The following SUGCT variants were observed in gnomAD, a reference collection of about 807,000 sequenced individuals.
SUGCT encodes succinyl-CoA:glutarate-CoA transferase.
A neutral mutation model predicts 55.0 loss-of-function variants in SUGCT; 41 were observed. That is an observed-to-expected ratio of 0.74 (90% CI 0.58 to 0.97). SUGCT has a LOEUF of 0.97. Ranked by LOEUF, SUGCT falls within the 50% of genes least tolerant of loss-of-function variation. The pLI is 0.00. For synonymous variants in SUGCT, 187 were observed against 200.4 expected (o/e 0.93, Z 0.56); for missense variants, 568 against 547.8 (o/e 1.04, Z -0.37).
At chr7:40,744,216 C>A (rs1029277949) in intron 12 of SUGCT, among the ~76,000 whole-genome samples, 5 of 152,096 alleles carry the variant, frequency 3.3e-5, no homozygotes, top group Non-Finnish European at 5.9e-5. Context: ...ATGTGGGCCA[C>A]CACGCCTGGC....
the SUGCT span, among the ~76,000 whole-genome samples, chr7:41,000,200 A>G: frequency 6.6e-6 from 1 of 152,248 alleles, no homozygotes; most frequent in South Asian, 2.1e-4. Context: ...CATTATACTT[A>G]CACACATACA....
chr7:41,028,056 G>A, the SUGCT span, among the ~76,000 whole-genome samples: 1 of 152,166 alleles, frequency 6.6e-6, no homozygotes, highest in African/African-American at 2.4e-5. Flanking sequence ...CTTAGCACAG[G>A]GTCCAGCACT....
intron 9 of SUGCT, among the ~76,000 whole-genome samples, chr7:40,429,651 T>C (rs1244052345): frequency 6.6e-6 from 1 of 152,192 alleles, no homozygotes; most frequent in Non-Finnish European, 1.5e-5. Flanking sequence ...TTCTTCTGCC[T>C]GCTTTTATCC....
intron 12 of SUGCT, among the ~76,000 whole-genome samples, chr7:40,565,370 C>G (rs1045317911): frequency 6.6e-6 from 1 of 152,140 alleles, no homozygotes; most frequent in Non-Finnish European, 1.5e-5. Flanking sequence ...GTATGTTCTG[C>G]AAAGTAAAGG....
chr7:41,033,733 C>G, the SUGCT span, among the ~76,000 whole-genome samples: 2 of 152,216 alleles, frequency 1.3e-5, no homozygotes, highest in East Asian at 3.9e-4. Flanking sequence ...CTTGAATTAA[C>G]AAGCACCCAA....
intron 9 of SUGCT, among the ~76,000 whole-genome samples, chr7:40,383,084 A>G (rs1462059205): frequency 1.3e-5 from 2 of 152,172 alleles, no homozygotes; most frequent in African/African-American, 2.4e-5. Context: ...ACGTGGAGGG[A>G]TTTGATGTAG....
intron 7 of SUGCT, among the ~76,000 whole-genome samples, chr7:40,258,619 C>A (rs1228343297): frequency 6.6e-6 from 1 of 152,176 alleles, no homozygotes; most frequent in Admixed American, 6.5e-5. Flanking sequence ...CCTCGTGATC[C>A]ACCTGCCTTG....
chr7:40,953,271 TGTA>T, the SUGCT span, among the ~76,000 whole-genome samples: 1 of 152,254 alleles, frequency 6.6e-6, no homozygotes, highest in African/African-American at 2.4e-5. Flanking sequence ...GCATCCATTA[TGTA>T]GTTCTCGTGC....
At chr7:40,682,098 C>G (rs1405889947) in intron 12 of SUGCT, among the ~76,000 whole-genome samples, 1 of 152,190 alleles carries the variant, frequency 6.6e-6, no homozygotes, top group Non-Finnish European at 1.5e-5. Flanking sequence ...CTTCTCAAGG[C>G]TAGCTAGGTG....
In SUGCT at chr7:40,496,351, A is replaced by G. The variant is rs749460397; in HGVS notation, c.1054A>G (p.Ile352Val). Reference sequence around the variant, plus strand: ...AGGCAGTGGAGTCCCGTATGGCCCAATCAACAACATGAAGAATGTATTTGC... The same window carrying G: ...AGGCAGTGGAGTCCCGTATGGCCCAGTCAACAACATGAAGAATGTATTTGC... ...FEGSGVPYGP[I>V]NNMKNVFAEP... is the part of the protein sequence containing the mutation. Residue 352 changes from isoleucine (I) to valine (V), a missense_variant, in exon 12 of 14, where the codon ATC (isoleucine) becomes GTC (valine). Transcript: ENST00000335693. 1.9e-6 allele frequency: 3 copies of G among 1,613,098 alleles called. No individual in the cohort carries two copies. Among genetic ancestry groups the G allele is most frequent in the East Asian group, 2.2e-5 (1 of 44,802 alleles).
chr7:40,772,369 TAAAA>T (rs1789148842), intron 13 of SUGCT, among the ~76,000 whole-genome samples: 1 of 151,984 alleles, frequency 6.6e-6, no homozygotes, highest in South Asian at 2.1e-4. Flanking sequence ...TAAAAAAAAA[TAAAA>T]AGACAGAGTT....
intron 13 of SUGCT, among the ~76,000 whole-genome samples, chr7:40,859,676 C>T (rs959539090): frequency 6.6e-6 from 1 of 152,208 alleles, no homozygotes; most frequent in Non-Finnish European, 1.5e-5. Context: ...GTATAGTAAA[C>T]ATTATCACAT....
chr7:40,594,322 TA>T (rs59560745), intron 12 of SUGCT, among the ~76,000 whole-genome samples: 7,938 of 99,928 alleles, frequency 0.079, 562 homozygotes, highest in African/African-American at 0.22. Context: ...ACTTAAAGTA[TA>T]AAAAAAAAAA....
chr7:40,852,469 A>G (rs1050070848), intron 13 of SUGCT, among the ~76,000 whole-genome samples: 7 of 152,014 alleles, frequency 4.6e-5, no homozygotes, highest in Admixed American at 1.3e-4. Flanking sequence ...TTAAAGCTCC[A>G]GTAGCTTCCC....
chr7:40,323,237 C>T (rs1795846234), intron 9 of SUGCT, among the ~76,000 whole-genome samples: 1 of 152,096 alleles, frequency 6.6e-6, no homozygotes, highest in African/African-American at 2.4e-5. Context: ...TTGCAGTGAT[C>T]CTTTTCTGTT....
At chr7:40,372,911 C>A (rs1562724423) in intron 9 of SUGCT, among the ~76,000 whole-genome samples, 1 of 151,912 alleles carries the variant, frequency 6.6e-6, no homozygotes, top group Non-Finnish European at 1.5e-5. Flanking sequence ...TAATTCAAAT[C>A]CATATTGATT....
At chr7:40,372,245 G>A (rs1183133928) in intron 9 of SUGCT, among the ~76,000 whole-genome samples, 1 of 152,038 alleles carries the variant, frequency 6.6e-6, no homozygotes, top group Non-Finnish European at 1.5e-5. Flanking sequence ...AGGTGTCTGT[G>A]TCTTTATTAG....
In SUGCT at chr7:40,847,407, C is replaced by CTTTTTTTTTTTT. The variant is rs1338885686; in HGVS notation, c.1154-12906_1154-12905insTTTTTTTTTTTT. On this transcript the variant is annotated intron_variant, in intron 13 of 13. Coordinates refer to ENST00000335693, the MANE Select transcript of SUGCT (RefSeq NM_001193313.2). ...GATGACATATACATTTCTTTTCTTT[C>CTTTTTTTTTTTT]TTTCTTTTTTTTTTTTTTTTTTTTT... Among the ~76,000 whole-genome samples the CTTTTTTTTTTTT allele has an allele frequency of 4.2e-5, 5 of 117,886 alleles. No individual in the cohort carries two copies. In the South Asian group the frequency reaches 9.3e-4, roughly 22 times the overall value. 77.3% of individuals were successfully genotyped at this position (117,886 alleles called of 152,430 possible).
intron 12 of SUGCT, among the ~76,000 whole-genome samples, chr7:40,712,646 T>G (rs1475966919): frequency 6.6e-6 from 1 of 152,232 alleles, no homozygotes; most frequent in Admixed American, 6.5e-5. Context: ...GAACTACCAG[T>G]TAATTGCTAT....
Sources: allele counts gnomAD v4.1 joint callset (sites outside exome capture counted in the v4.1 genomes callset), GRCh38; gene constraint gnomAD v4.1.1; transcripts MANE v1.5; gene names NCBI Gene and HGNC (gene_info 2026-07-23, HGNC 2026-07-21).